DOCK10: variants seen among roughly 807,000 people sequenced by gnomAD.
The protein encoded by DOCK10 is dedicator of cytokinesis protein 10.
Under a neutral mutation model 280.1 loss-of-function variants are expected in DOCK10, and 145 were observed. The observed-to-expected ratio is 0.52, with a 90% CI of 0.45 to 0.59. The LOEUF is 0.59. Among genes scored for constraint, DOCK10 ranks in the 20% least tolerant of loss-of-function variants. The pLI is 0.00. For synonymous variants in DOCK10, 915 were observed against 942.2 expected (o/e 0.97, Z 0.53); for missense variants, 2,368 against 2,651.7 (o/e 0.89, Z 2.35).
chr2:224,798,311 G>A (rs1692730363), intron 41 of DOCK10, among the ~76,000 whole-genome samples: 1 of 152,144 alleles, frequency 6.6e-6, no homozygotes, highest in Admixed American at 6.5e-5. Context: ...ACTGTCCTGT[G>A]GGGGAGAAAC....
At chr2:224,886,615 C>G in intron 4 of DOCK10, 84 bp from the exon 5 acceptor site, 2 of 1,031,318 alleles carry the variant, frequency 1.9e-6, no homozygotes, top group Non-Finnish European at 2.8e-6. Flanking sequence ...ACAATAACAA[C>G]TATGGTGCTG....
intron 1 of DOCK10, among the ~76,000 whole-genome samples, chr2:224,941,323 T>TCCA (rs1703054296): frequency 2.6e-5 from 4 of 151,902 alleles, no homozygotes; most frequent in Admixed American, 6.6e-5. Flanking sequence ...TCCACTCCAC[T>TCCA]CTACCAGCAA....
chr2:224,871,600 C>T (rs1698293328), intron 11 of DOCK10, among the ~76,000 whole-genome samples: 1 of 152,204 alleles, frequency 6.6e-6, no homozygotes, highest in South Asian at 2.1e-4. Flanking sequence ...GTTTCTTCTA[C>T]ATCATCTTGG....
At chr2:224,798,058 T>A in intron 41 of DOCK10, 89 bp from the exon 42 acceptor site, 1 of 1,322,182 alleles carries the variant, frequency 7.6e-7, no homozygotes, top group Non-Finnish European at 1.1e-6. Flanking sequence ...TGTCATGTGG[T>A]AAGGCACTAT....
chr2:224,853,816 T>C (rs949909181), intron 16 of DOCK10, among the ~76,000 whole-genome samples: 8 of 152,210 alleles, frequency 5.3e-5, no homozygotes, highest in Non-Finnish European at 1.2e-4. Context: ...TTACCCCACC[T>C]GGAATCTGAC....
At chr2:225,027,070 C>G (rs749691193) in intron 1 of DOCK10, among the ~76,000 whole-genome samples, 2 of 152,150 alleles carry the variant, frequency 1.3e-5, no homozygotes, top group African/African-American at 2.4e-5. Context: ...CCCACAGGCT[C>G]CTCAGTACAC....
intron 18 of DOCK10, among the ~76,000 whole-genome samples, chr2:224,851,191 T>C (rs945157605): frequency 2.0e-5 from 3 of 152,202 alleles, no homozygotes; most frequent in African/African-American, 7.2e-5. Flanking sequence ...ACCCCTCTTC[T>C]GGAGTCTGAC....
chr2:224,789,211 C>G (rs1363975094), intron 47 of DOCK10, 41 bp from the exon 48 acceptor site: 3 of 1,405,214 alleles, frequency 2.1e-6, no homozygotes, highest in Non-Finnish European at 3.0e-6. Flanking sequence ...TTATTTGAGA[C>G]AAATTTTGCT....
At chr2:224,843,946 C>A (rs1413331248) in intron 22 of DOCK10, among the ~76,000 whole-genome samples, 1 of 152,092 alleles carries the variant, frequency 6.6e-6, no homozygotes, top group African/African-American at 2.4e-5. Context: ...GATATCATTT[C>A]TTGATGAGGA....
intron 31 of DOCK10, 34 bp from the exon 32 acceptor site, chr2:224,808,120 A>C (rs1321861178): frequency 4.5e-6 from 7 of 1,571,108 alleles, no homozygotes; most frequent in Non-Finnish European, 6.1e-6. Flanking sequence ...CATGTTATTG[A>C]AAATCAAATG....
chr2:224,832,216 A>T (rs1454988946), intron 26 of DOCK10, among the ~76,000 whole-genome samples: 4 of 152,212 alleles, frequency 2.6e-5, no homozygotes, highest in Non-Finnish European at 5.9e-5. Context: ...TATACAATGA[A>T]GGGATATTTA....
At position 224,809,498 on chromosome 2, in the gene DOCK10, C is replaced by CAACA. The variant is rs373663222; in HGVS notation, c.3410-1416_3410-1413dup. 8.4e-3 allele frequency among the ~76,000 whole-genome samples: 1,275 copies of CAACA among 151,952 alleles called. 19 individuals carry two copies. Among genetic ancestry groups the CAACA allele is most frequent in the African/African-American group, 0.029 (1,189 of 41,474 alleles). Reference sequence around the variant, plus strand: ...ACAAGGAACTCATACAACATAATAGCAACAAACAAACAAACAAAAACAACC... The same window carrying CAACA: ...ACAAGGAACTCATACAACATAATAGCAACAAACAAACAAACAAACAAAAACAACC... On this transcript the variant is annotated intron_variant, in intron 31 of 55. Coordinates refer to ENST00000258390, the MANE Select transcript of DOCK10 (RefSeq NM_014689.3).
At position 224,834,875 on chromosome 2, in the gene DOCK10, G is replaced by A. The variant is rs117747515; in HGVS notation, c.2851-612C>T. Among the ~76,000 whole-genome samples the A allele has an allele frequency of 3.9e-4, 60 of 152,206 alleles. 1 individual carries two copies. The East Asian group carries it at 0.011, about 27-fold the overall frequency. On this transcript the variant is annotated intron_variant, in intron 25 of 55. Coordinates refer to ENST00000258390, the MANE Select transcript of DOCK10 (RefSeq NM_014689.3). ...TTTTCAGTATTTCTTCATCTCTTAA[G>A]AATATCAGTATCAATTTATGCACAT...
intron 3 of DOCK10, among the ~76,000 whole-genome samples, chr2:224,902,937 C>CAA (rs903859483): frequency 3.5e-5 from 5 of 144,908 alleles, no homozygotes; most frequent in African/African-American, 1.3e-4. Flanking sequence ...ACTAAAAATA[C>CAA]AAAAAAAAAA....
At chr2:225,041,729 C>G (rs1300237126) in intron 1 of DOCK10, among the ~76,000 whole-genome samples, 1 of 152,136 alleles carries the variant, frequency 6.6e-6, no homozygotes, top group Non-Finnish European at 1.5e-5. Flanking sequence ...CCAAGTACAT[C>G]TATTTCTGCG....
chr2:224,894,546 A>C (rs1173767844), intron 4 of DOCK10, among the ~76,000 whole-genome samples: 1 of 152,224 alleles, frequency 6.6e-6, no homozygotes, highest in Non-Finnish European at 1.5e-5. Context: ...TTTGCTTTTC[A>C]GTTGTGCCTA....
intron 1 of DOCK10, among the ~76,000 whole-genome samples, chr2:225,010,019 A>T (rs281520): frequency 0.74 from 112,455 of 152,044 alleles, 42,530 homozygotes; most frequent in Middle Eastern, 0.88. Flanking sequence ...AAGGAGCCTA[A>T]AGGTTGTCTG....
chr2:224,835,458 T>C (rs1366964589), intron 25 of DOCK10, among the ~76,000 whole-genome samples: 1 of 152,260 alleles, frequency 6.6e-6, no homozygotes, highest in East Asian at 1.9e-4. Flanking sequence ...TTGCATATTG[T>C]AGACGAAGTG....
intron 1 of DOCK10, among the ~76,000 whole-genome samples, chr2:224,968,102 GA>G (rs948678021): frequency 6.6e-6 from 1 of 152,080 alleles, no homozygotes; most frequent in African/African-American, 2.4e-5. Flanking sequence ...ACCATTTGGA[GA>G]AAAAAACAAT....
Sources: allele counts gnomAD v4.1 joint callset (sites outside exome capture counted in the v4.1 genomes callset), GRCh38; gene constraint gnomAD v4.1.1; transcripts MANE v1.5; gene names NCBI Gene and HGNC (gene_info 2026-07-23, HGNC 2026-07-21).